SERF2: variants seen among roughly 807,000 people sequenced by gnomAD.
The protein encoded by SERF2 is small EDRK-rich factor 2, also known as gastric cancer-related protein VRG107.
Under a neutral mutation model 10.7 loss-of-function variants are expected in SERF2, and 4 were observed. That is an observed-to-expected ratio of 0.37 (90% confidence interval 0.18 to 0.86). SERF2 has a LOEUF of 0.86. SERF2 is among the 40% of genes least tolerant of loss of function. The probability of loss-of-function intolerance (pLI) is 0.43; values close to 1 mark genes in which losing one functional copy is unlikely to be tolerated. For missense variants in SERF2, 47 were observed against 79.1 expected, an observed-to-expected ratio of 0.59 and a Z score of 1.54; for synonymous variants, 26 against 26.0, an observed-to-expected ratio of 1.00 and a Z score of 0.01.
upstream of SERF2, among the ~76,000 whole-genome samples, chr15:43,789,404 T>C (rs1489799142): frequency 6.6e-6 from 1 of 152,124 alleles, no homozygotes; most frequent in African/African-American, 2.4e-5. Flanking sequence ...CCTCCTGAAA[T>C]GTTCTCCCTG....
chr15:43,788,543 G>A (rs958857802), upstream of SERF2, among the ~76,000 whole-genome samples: 1 of 152,156 alleles, frequency 6.6e-6, no homozygotes, highest in Non-Finnish European at 1.5e-5. Flanking sequence ...GTGCAGTGGC[G>A]TGATCATAGC....
upstream of SERF2, among the ~76,000 whole-genome samples, chr15:43,788,618 C>T (rs1312267740): frequency 1.3e-5 from 2 of 152,186 alleles, no homozygotes; most frequent in South Asian, 2.1e-4. Flanking sequence ...GTGATAGTCT[C>T]CTGACTGGTC....
chr15:43,782,996 C>A (rs13380397), intron 1 of SERF2, among the ~76,000 whole-genome samples: 22,080 of 145,794 alleles, frequency 0.15, 2,212 homozygotes, highest in African/African-American at 0.27. Flanking sequence ...AGGCACGCAC[C>A]ACCACACCTG....
intron 1 of SERF2, among the ~76,000 whole-genome samples, chr15:43,782,051 G>A (rs1362288477): frequency 1.3e-5 from 2 of 151,810 alleles, no homozygotes; most frequent in Non-Finnish European, 2.9e-5. Flanking sequence ...ACTGTGCCCC[G>A]CTAATTTTTG....
At chr15:43,793,555 CTCT>C in intron 2 of SERF2, 152 bp from the exon 3 acceptor site, 1 of 1,511,186 alleles carries the variant, frequency 6.6e-7, no homozygotes, top group South Asian at 1.3e-5. Flanking sequence ...AGCCTCAGCT[CTCT>C]TCCTCTTGTT....
chr15:43,777,294 A>T, exon 1 of SERF2: 1 of 392,048 alleles, frequency 2.6e-6, no homozygotes, highest in Non-Finnish European at 5.1e-6. Flanking sequence ...TGAAAGCTGA[A>T]CCTGCAACCC....
intron 1 of SERF2, among the ~76,000 whole-genome samples, chr15:43,779,084 A>G (rs2086945864): frequency 6.6e-6 from 1 of 152,214 alleles, no homozygotes; most frequent in South Asian, 2.1e-4. Context: ...GCCCTTGAAT[A>G]GGTTTGAGGT....
rs1380592634 is a variant in SERF2, at chr15:43,794,298, T to C, written c.*525T>C. The C allele has an allele frequency of 7.5e-6, 2 of 266,380 alleles. No homozygotes were observed. The highest frequency in any genetic ancestry group is 9.8e-5 in the South Asian group (1 of 10,246). The allele number at this position is 266,380 out of a possible 1,614,324, so 16.5% of individuals were successfully genotyped here. Reference sequence around the variant, plus strand: ...TTTTGTTCCCCACCCTTGAACACCATCTCTAGGATGGAGTTGGCCTAAGAG... The same window carrying C: ...TTTTGTTCCCCACCCTTGAACACCACCTCTAGGATGGAGTTGGCCTAAGAG... On this transcript the variant is annotated 3_prime_UTR_variant, in exon 3 of 3. Coordinates refer to ENST00000249786, the MANE Select transcript of SERF2 (RefSeq NM_001018108.4).
chr15:43,785,192 C>T (rs545128729), intron 1 of SERF2, among the ~76,000 whole-genome samples: 1 of 151,332 alleles, frequency 6.6e-6, no homozygotes, highest in South Asian at 2.1e-4. Flanking sequence ...CTTCAGCCTC[C>T]CAAGTAGTTG....
At position 43,781,333 on chromosome 15, in the gene SERF2, C is replaced by T. The variant is rs573595512; in HGVS notation, c.-527+3831C>T. Among the ~76,000 whole-genome samples, 511 of 152,064 alleles carry T rather than the reference C, an allele frequency of 3.4e-3. 2 individuals carry two copies. The highest frequency in any genetic ancestry group is 6.1e-3 in the Non-Finnish European group (413 of 67,988). On this transcript the variant is annotated intron_variant, in intron 1 of 4. Coordinates refer to the SERF2 transcript ENST00000381359. ...ACTTTGGGAGGCCGAGGCAGGTGGACCATTTGAGGTCAGGAGTTCGAGACC... is the reference window on the plus strand; with the variant it reads ...ACTTTGGGAGGCCGAGGCAGGTGGATCATTTGAGGTCAGGAGTTCGAGACC...
At chr15:43,778,955 G>T (rs2086944884) in intron 1 of SERF2, among the ~76,000 whole-genome samples, 1 of 152,124 alleles carries the variant, frequency 6.6e-6, no homozygotes, top group South Asian at 2.1e-4. Context: ...AGTCATGGTG[G>T]AGGAAATAGG....
chr15:43,778,577 A>T (rs12101651), intron 1 of SERF2, among the ~76,000 whole-genome samples: 1 of 89,754 alleles, frequency 1.1e-5, no homozygotes, highest in Non-Finnish European at 2.1e-5. Context: ...GGCAGATTCC[A>T]TCTCAAAAAA....
intron 2 of SERF2, among the ~76,000 whole-genome samples, chr15:43,786,414 C>CAAAAA (rs1190326241): frequency 1.4e-5 from 1 of 68,990 alleles, no homozygotes; most frequent in Non-Finnish European, 3.1e-5. Context: ...GACTCTGTCT[C>CAAAAA]AAAAAAAAAA....
chr15:43,781,884 AC>A (rs2086967868), intron 1 of SERF2, among the ~76,000 whole-genome samples: 1 of 89,556 alleles, frequency 1.1e-5, no homozygotes, highest in African/African-American at 2.9e-5. Context: ...ACCTGGTCCT[AC>A]TTCTTCTTCT....
chr15:43,794,127 C>G lies in SERF2; in HGVS notation c.*354C>G, dbSNP rs1429808386. On this transcript the variant is annotated 3_prime_UTR_variant, in exon 3 of 3. Coordinates refer to ENST00000249786, the MANE Select transcript of SERF2 (RefSeq NM_001018108.4). Reference sequence around the variant, plus strand: ...CCCTTTCCCACCAAAAAAGGGAGAACTCTTTAGATTCAGATTGTGGGTATG... The same window carrying G: ...CCCTTTCCCACCAAAAAAGGGAGAAGTCTTTAGATTCAGATTGTGGGTATG... 1 of 674,608 alleles carries G rather than the reference C, an allele frequency of 1.5e-6. No homozygotes were observed. The highest frequency in any genetic ancestry group is 3.1e-5 in the Admixed American group (1 of 32,760). The allele number at this position is 674,608 out of a possible 1,614,324, so 41.8% of individuals were successfully genotyped here.
In SERF2 at chr15:43,792,753, T is replaced by G; in HGVS notation, c.8-222T>G. ...CGCCGCCCCAAAACACGCCTCCAGC[T>G]GGCCCCTTGGGACCTCCCTTCTCTA... is the stretch of plus-strand genomic sequence containing the variant. On this transcript the variant is annotated intron_variant, in intron 1 of 2. Transcript: ENST00000249786. 3 of 765,712 alleles carry G rather than the reference T, an allele frequency of 3.9e-6. No homozygotes were observed. The South Asian group carries it at 5.9e-5, about 15-fold the overall frequency. The allele number at this position is 765,712 out of a possible 1,614,324, so 47.4% of individuals were successfully genotyped here. A position where few individuals can be genotyped will look rare whatever the true frequency, so the allele number is the denominator to read the frequency against.
At position 43,794,658 on chromosome 15, in the gene SERF2, C is replaced by A. The variant is rs187582859; in HGVS notation, c.*885C>A. On this transcript the variant is annotated 3_prime_UTR_variant, in exon 3 of 3. Transcript: ENST00000249786. ...TTCTCCAAGGGCAGAGCCGAGTCTT[C>A]AGTCCCTGTTGGTCTTTCCCCACCC... is the stretch of plus-strand genomic sequence containing the variant. 1.8e-4 allele frequency: 44 copies of A among 244,878 alleles called. No homozygotes were observed. In the East Asian group the frequency reaches 3.4e-3, roughly 19 times the overall value. The allele number at this position is 244,878 out of a possible 1,614,324, so 15.2% of individuals were successfully genotyped here. A position where few individuals can be genotyped will look rare whatever the true frequency, so the allele number is the denominator to read the frequency against.
At chr15:43,780,896 G>A (rs758059809) in intron 1 of SERF2, among the ~76,000 whole-genome samples, 3 of 151,954 alleles carry the variant, frequency 2.0e-5, no homozygotes, top group South Asian at 2.1e-4. Context: ...ACAATTTCAC[G>A]AATAGGGGAG....
chr15:43,792,872 T>G lies in SERF2; in HGVS notation c.8-103T>G, dbSNP rs1169392288. 3.6e-6 allele frequency: 3 copies of G among 829,712 alleles called. No homozygotes were observed. In the African/African-American group the frequency reaches 5.1e-5, roughly 14 times the overall value. The allele number at this position is 829,712 out of a possible 1,614,324, so 51.4% of individuals were successfully genotyped here. On this transcript the variant is annotated intron_variant, in intron 1 of 2. Transcript: ENST00000249786. The stretch of plus-strand genomic sequence containing the variant: ...TGGGCCGTTGTCGGGGCCCGGAGAT[T>G]GAAGTGGTGTTGGATCCTGCTGCTG...
Sources: allele counts gnomAD v4.1 joint callset (sites outside exome capture counted in the v4.1 genomes callset), GRCh38; gene constraint gnomAD v4.1.1; transcripts MANE v1.5; gene names NCBI Gene and HGNC (gene_info 2026-07-23, HGNC 2026-07-21).